ZFP91: variants seen among roughly 807,000 people sequenced by gnomAD.
ZFP91 encodes the protein E3 ubiquitin-protein ligase ZFP91.
ZFP91 carries 7 observed loss-of-function variants against 63.5 expected under a neutral mutation model. The ratio of observed to expected loss-of-function variants is 0.11; its 90% CI spans 0.06 to 0.21. The LOEUF (loss-of-function observed/expected upper bound fraction) is 0.21. Among genes scored for constraint, ZFP91 ranks in the 10% least tolerant of loss-of-function variants. The pLI, the probability that ZFP91 is intolerant of heterozygous loss-of-function variation, is 1.00. For synonymous variants in ZFP91, 330 were observed against 272.1 expected, an observed-to-expected ratio of 1.21 and a Z score of -2.10; for missense variants, 628 against 736.6, an observed-to-expected ratio of 0.85 and a Z score of 1.71.
At chr11:58,602,745 A>G (rs548093843) in intron 2 of ZFP91, among the ~76,000 whole-genome samples, 3 of 152,350 alleles carry the variant, frequency 2.0e-5, no homozygotes, top group African/African-American at 7.2e-5. Context: ...AAACTAATAC[A>G]TTTTGGTATT....
At chr11:58,594,416 GA>G (rs1163944934) in intron 2 of ZFP91, among the ~76,000 whole-genome samples, 2 of 152,192 alleles carry the variant, frequency 1.3e-5, no homozygotes, top group African/African-American at 4.8e-5. Flanking sequence ...CTAGTTTTAA[GA>G]GCTGTGTTTT....
At chr11:58,579,665 T>C in intron 1 of ZFP91, 43 bp downstream of exon 1, 2 of 1,488,502 alleles carry the variant, frequency 1.3e-6, no homozygotes, top group Non-Finnish European at 8.9e-7. Flanking sequence ...CCCCCCTCTG[T>C]CCGTACGCAA....
rs1590603941 is a variant in ZFP91 at position 58,579,360 on chromosome 11, G to A, written c.79G>A (p.Glu27Lys). Residue 27 changes from glutamate (E) to lysine (K), a missense_variant, in exon 1 of 11, where the codon GAG (glutamate) becomes AAG (lysine). Transcript: ENST00000316059. ...EGGEAAKAAP[E>K]EPQQRPPEAV... ...GGGAGAGGCGGCCAAGGCGGCTCCG[G>A]AGGAGCCCCAACAACGGCCCCCTGA... 1 of 1,493,716 alleles carries A rather than the reference G, an allele frequency of 6.7e-7. No homozygotes were observed. Among genetic ancestry groups the A allele is most frequent in the African/African-American group, 1.5e-5 (1 of 67,868 alleles). The allele number at this position is 1,493,716 out of a possible 1,614,324, so 92.5% of individuals were successfully genotyped here. A position where few individuals can be genotyped will look rare whatever the true frequency, so the allele number is the denominator to read the frequency against.
At chr11:58,594,447 C>T (rs921358602) in intron 2 of ZFP91, among the ~76,000 whole-genome samples, 2 of 152,236 alleles carry the variant, frequency 1.3e-5, no homozygotes, top group African/African-American at 4.8e-5. Context: ...CATCCTTTCA[C>T]CTTCTCAAAC....
intron 9 of ZFP91, 76 bp from the exon 10 acceptor site, chr11:58,616,640 A>T (rs1855753031): frequency 1.6e-6 from 2 of 1,220,714 alleles, no homozygotes; most frequent in African/African-American, 3.0e-5. Context: ...CTGCCCCATC[A>T]TCTGCTTACT....
chr11:58,579,070 G>GCC lies in ZFP91; in HGVS notation c.-211_-210insCC. The GCC allele has an allele frequency of 2.7e-6, 1 of 369,412 alleles. No homozygotes were observed. Among genetic ancestry groups the GCC allele is most frequent in the Non-Finnish European group, 4.7e-6 (1 of 211,710 alleles). The allele number at this position is 369,412 out of a possible 1,614,324, so 22.9% of individuals were successfully genotyped here. ...TTGGCCCGCTGAGCGTCTGTGGCGC[G>GCC]CGCGCGCGCGCCGCCAGCGGTAGCG... On this transcript the variant is annotated 5_prime_UTR_variant, in exon 1 of 11. Transcript: ENST00000316059.
At chr11:58,579,683 G>A in intron 1 of ZFP91, 61 bp downstream of exon 1, 1 of 1,423,278 alleles carries the variant, frequency 7.0e-7, no homozygotes, top group Non-Finnish European at 9.2e-7. Context: ...CAACCCTCTC[G>A]GCTCCCGTAG....
intron 9 of ZFP91, 60 bp downstream of exon 9, chr11:58,614,403 G>A: frequency 3.3e-6 from 4 of 1,223,026 alleles, no homozygotes; most frequent in Non-Finnish European, 4.6e-6. Flanking sequence ...TTTGCATGTT[G>A]GTAATGATAA....
chr11:58,582,295 T>A (rs935663627), intron 1 of ZFP91, among the ~76,000 whole-genome samples: 1 of 152,252 alleles, frequency 6.6e-6, no homozygotes, highest in African/African-American at 2.4e-5. Flanking sequence ...AATTTAATCC[T>A]TTAAGATATT....
chr11:58,614,364 T>G (rs1855715649), intron 9 of ZFP91, 21 bp downstream of exon 9: 2 of 1,556,278 alleles, frequency 1.3e-6, no homozygotes, highest in African/African-American at 1.4e-5. Flanking sequence ...AATGTGTTTA[T>G]CAAGTAGGTA....
chr11:58,597,086 C>T (rs555262319), intron 2 of ZFP91, among the ~76,000 whole-genome samples: 1 of 152,156 alleles, frequency 6.6e-6, no homozygotes, highest in South Asian at 2.1e-4. Context: ...AAAGGCAGTC[C>T]CTAACTGGCA....
chr11:58,581,181 T>C (rs1855108396), intron 1 of ZFP91, among the ~76,000 whole-genome samples: 1 of 152,182 alleles, frequency 6.6e-6, no homozygotes, highest in Admixed American at 6.5e-5. Context: ...TGGTTTGTAG[T>C]GAGGTTTTTC....
chr11:58,595,333 C>G (rs918184108), intron 2 of ZFP91, among the ~76,000 whole-genome samples: 1 of 152,030 alleles, frequency 6.6e-6, no homozygotes, highest in African/African-American at 2.4e-5. Flanking sequence ...AGTATCTTCC[C>G]AGCTTATCAA....
chr11:58,616,944 T>A, intron 10 of ZFP91, 129 bp downstream of exon 10: 1 of 947,516 alleles, frequency 1.1e-6, no homozygotes, highest in Non-Finnish European at 1.6e-6. Flanking sequence ...GGATATTGAT[T>A]GGGGGCATTA....
chr11:58,583,066 T>C (rs1395246516), intron 1 of ZFP91, among the ~76,000 whole-genome samples: 2 of 152,178 alleles, frequency 1.3e-5, no homozygotes, highest in African/African-American at 4.8e-5. Context: ...TCTTTAATTT[T>C]TGAAGTAAAA....
rs75846550 is a variant in ZFP91 at position 58,588,198 on chromosome 11, T to C, written c.370+3314T>C. Among the ~76,000 whole-genome samples the C allele has an allele frequency of 5.4e-3, 817 of 152,288 alleles. 6 individuals are homozygous for C. Among genetic ancestry groups the C allele is most frequent in the Non-Finnish European group, 9.3e-3 (630 of 67,988 alleles). On this transcript the variant is annotated intron_variant, in intron 2 of 10. Coordinates refer to ENST00000316059, the MANE Select transcript of ZFP91 (RefSeq NM_053023.5). The stretch of plus-strand genomic sequence containing the variant: ...ATCTCAACCTTTTATTCAAAATCAT[T>C]TTACTCTTTTCAGTTGCTCTTATGA...
At chr11:58,606,226 C>T (rs987232814) in intron 2 of ZFP91, among the ~76,000 whole-genome samples, 6 of 151,972 alleles carry the variant, frequency 3.9e-5, no homozygotes, top group Admixed American at 2.6e-4. Context: ...TACAAGCAGC[C>T]CAGCTAATTT....
chr11:58,617,323 A>T lies in ZFP91; in HGVS notation c.1330A>T (p.Ser444Cys), dbSNP rs1388546356. The part of the protein sequence containing the change: ...ICGKKFEKKD[S>C]VVAHKAKSHP... ...TGGCAAAAAATTTGAGAAGAAGGAC[A>T]GCGTAGTGGCACACAAGGCAAAAAG... The change falls in exon 11 of 11, where the codon AGC (serine) becomes TGC (cysteine). Residue 444 changes from serine to cysteine, a missense_variant. Around this residue, in one of 3 missense-constraint regions of ZFP91, gnomAD observed 76 missense variants for 230.9 expected, o/e 0.33. Coordinates refer to ENST00000316059, the MANE Select transcript of ZFP91 (RefSeq NM_053023.5). The surrounding 1 kb of genome is among the most constrained non-coding windows in gnomAD (Gnocchi z 4.2). 3 of 1,614,134 alleles carry T rather than the reference A, an allele frequency of 1.9e-6. No homozygotes were observed. Among genetic ancestry groups the T allele is most frequent in the South Asian group, 2.2e-5 (2 of 91,088 alleles).
At chr11:58,612,482 T>A in intron 7 of ZFP91, 154 bp downstream of exon 7, 1 of 707,170 alleles carries the variant, frequency 1.4e-6, no homozygotes, top group Non-Finnish European at 2.3e-6. Flanking sequence ...GGTGTTATGA[T>A]CTTATTTTCA....
Sources: allele counts gnomAD v4.1 joint callset (sites outside exome capture counted in the v4.1 genomes callset), GRCh38; gene constraint gnomAD v4.1.1; regional missense constraint gnomAD v4.1.1; non-coding constraint Gnocchi (gnomAD v3.1); transcripts MANE v1.5; gene names NCBI Gene and HGNC (gene_info 2026-07-23, HGNC 2026-07-21).